The following MTA3 variants were observed in gnomAD, a reference collection of about 807,000 sequenced individuals.
The protein encoded by MTA3 is metastasis associated 1 family member 3.
In MTA3, 34 loss-of-function variants were observed where a neutral mutation model predicts 83.5. The ratio of observed to expected loss-of-function variants is 0.41; its 90% CI spans 0.31 to 0.54. The LOEUF (loss-of-function observed/expected upper bound fraction) is 0.54, where lower values mean the gene tolerates loss of function less well. MTA3 is among the 20% of genes least tolerant of loss of function. The pLI is 0.33. For missense variants in MTA3, 761 were observed against 726.4 expected (o/e 1.05, Z -0.55); for synonymous variants, 303 against 252.7 (o/e 1.20, Z -1.89).
chr2:42,624,563 T>C (rs941129121), intron 4 of MTA3, among the ~76,000 whole-genome samples: 1 of 152,180 alleles, frequency 6.6e-6, no homozygotes, highest in Admixed American at 6.5e-5. Flanking sequence ...GCTGACGTTG[T>C]GATCCACCTG....
intron 6 of MTA3, among the ~76,000 whole-genome samples, chr2:42,646,638 C>T (rs557236087): frequency 3.9e-4 from 60 of 152,090 alleles, no homozygotes; most frequent in African/African-American, 1.4e-3. Context: ...GAGCGTGGGC[C>T]CTGAGGATGT....
intron 5 of MTA3, 65 bp downstream of exon 5, chr2:42,640,301 G>C: frequency 8.7e-7 from 1 of 1,143,274 alleles, no homozygotes; most frequent in Non-Finnish European, 1.2e-6. Context: ...TCTTTCCTTG[G>C]AATTTATTTC....
intron 8 of MTA3, among the ~76,000 whole-genome samples, chr2:42,681,753 C>T (rs1691938763): frequency 6.6e-6 from 1 of 151,916 alleles, no homozygotes; most frequent in African/African-American, 2.4e-5. Context: ...TCAAGTGTTC[C>T]TCCCACCTTG....
chr2:42,627,214 A>T (rs532450292), intron 4 of MTA3, among the ~76,000 whole-genome samples: 15 of 152,002 alleles, frequency 9.9e-5, no homozygotes, highest in Non-Finnish European at 2.1e-4. Flanking sequence ...AGTAGCTGGG[A>T]CTGCAGGTGC....
At chr2:42,681,271 T>G (rs1478270771) in intron 8 of MTA3, among the ~76,000 whole-genome samples, 1 of 152,232 alleles carries the variant, frequency 6.6e-6, no homozygotes. Context: ...AGTTACCATA[T>G]TAAGATGAAT....
chr2:42,497,636 C>T (rs1674207085), intron 2 of MTA3, among the ~76,000 whole-genome samples: 2 of 151,496 alleles, frequency 1.3e-5, no homozygotes, highest in South Asian at 4.2e-4. Flanking sequence ...TAGGCTCAAA[C>T]CCTGGCTGTA....
chr2:42,650,601 G>A (rs1467671815), intron 6 of MTA3, among the ~76,000 whole-genome samples: 2 of 151,880 alleles, frequency 1.3e-5, no homozygotes, highest in East Asian at 3.9e-4. Context: ...CACCAAGCCC[G>A]GCTAATTTTT....
intron 3 of MTA3, among the ~76,000 whole-genome samples, chr2:42,593,282 A>G (rs2374423): frequency 0.78 from 118,828 of 151,438 alleles, 47,579 homozygotes; most frequent in African/African-American, 0.94. Context: ...AGGTTAGGAC[A>G]TTGAGACCAG....
chr2:42,600,890 C>G (rs1285062502), intron 3 of MTA3, among the ~76,000 whole-genome samples: 2 of 151,722 alleles, frequency 1.3e-5, no homozygotes, highest in African/African-American at 2.4e-5. Context: ...GAGTTTGTCT[C>G]TGGATTTTTT....
Position 42,719,053 on chromosome 2 carries a change from G to A in MTA3, c.1591G>A (p.Ala531Thr). 2 of 1,550,230 alleles carry A rather than the reference G, an allele frequency of 1.3e-6. No individual in the cohort carries two copies. Among genetic ancestry groups the A allele is most frequent in the Non-Finnish European group, 1.7e-6 (2 of 1,146,724 alleles). Residue 531 changes from alanine to threonine, a missense_variant, in exon 15 of 17, where the codon GCA becomes ACA. Coordinates refer to ENST00000405094, the MANE Select transcript of MTA3 (RefSeq NM_001330442.2). ...LKSKSTRKPL[A>T]CIIGYLEIHP... The stretch of plus-strand genomic sequence containing the variant: ...AAGCAAAAGCACTAGGAAGCCTTTG[G>A]CATGTATCATTGGGTATTTAGGTGG...
At chr2:42,679,839 T>G (rs977566663) in intron 8 of MTA3, among the ~76,000 whole-genome samples, 129 of 144,172 alleles carry the variant, frequency 8.9e-4, no homozygotes, top group Middle Eastern at 3.6e-3. Context: ...GGCTGTGTGT[T>G]GTTTTTTTTT....
intron 3 of MTA3, among the ~76,000 whole-genome samples, chr2:42,582,570 T>C (rs1327244976): frequency 6.6e-6 from 1 of 152,092 alleles, no homozygotes; most frequent in African/African-American, 2.4e-5. Context: ...GGAGGATTGC[T>C]TGAGGGTAGG....
intron 16 of MTA3, 141 bp from the exon 17 acceptor site, chr2:42,753,233 C>T (rs2104611833): frequency 1.4e-6 from 2 of 1,454,162 alleles, no homozygotes; most frequent in East Asian, 5.0e-5. Context: ...CTGGCCTAGT[C>T]ATGAGATTTT....
At chr2:42,747,269 G>T (rs1176962638) in intron 16 of MTA3, among the ~76,000 whole-genome samples, 1 of 152,046 alleles carries the variant, frequency 6.6e-6, no homozygotes, top group African/African-American at 2.4e-5. Context: ...GAAAGTGCTG[G>T]GATTACAGGT....
intron 8 of MTA3, among the ~76,000 whole-genome samples, chr2:42,662,798 C>T (rs1689850033): frequency 6.7e-6 from 1 of 148,852 alleles, no homozygotes; most frequent in African/African-American, 2.5e-5. Flanking sequence ...GTGGTGCGAT[C>T]TCGGCTCACT....
chr2:42,681,132 A>C (rs1030516469), intron 8 of MTA3, among the ~76,000 whole-genome samples: 6 of 152,164 alleles, frequency 3.9e-5, no homozygotes, highest in Non-Finnish European at 7.3e-5. Flanking sequence ...TGTGTGTTCT[A>C]ATCTATCTTT....
chr2:42,613,352 G>A (rs1467316123), intron 4 of MTA3, among the ~76,000 whole-genome samples: 1 of 152,128 alleles, frequency 6.6e-6, no homozygotes, highest in Non-Finnish European at 1.5e-5. Context: ...AATTGAGGAG[G>A]AATAGGGCAG....
At chr2:42,545,986 C>A (rs774262278) in intron 2 of MTA3, among the ~76,000 whole-genome samples, 1 of 152,154 alleles carries the variant, frequency 6.6e-6, no homozygotes, top group African/African-American at 2.4e-5. Flanking sequence ...ACAGGCTCCG[C>A]GTTAACACTA....
intron 4 of MTA3, among the ~76,000 whole-genome samples, chr2:42,637,305 A>C (rs1687294048): frequency 6.6e-6 from 1 of 152,210 alleles, no homozygotes; most frequent in African/African-American, 2.4e-5. Flanking sequence ...GATACACTTC[A>C]TATCATGCTT....
Sources: allele counts gnomAD v4.1 joint callset (sites outside exome capture counted in the v4.1 genomes callset), GRCh38; gene constraint gnomAD v4.1.1; transcripts MANE v1.5; gene names NCBI Gene and HGNC (gene_info 2026-07-23, HGNC 2026-07-21).